CFAP95: variants seen among roughly 807,000 people sequenced by gnomAD.
The protein encoded by CFAP95 is cilia and flagella associated protein 95.
the CFAP95 span, among the ~76,000 whole-genome samples, chr9:69,829,669 C>T: frequency 6.6e-6 from 1 of 152,148 alleles, no homozygotes; most frequent in African/African-American, 2.4e-5. Flanking sequence ...TTTCACCAAG[C>T]TTGTTTTCTT....
At chr9:69,869,448 G>T in the CFAP95 span, among the ~76,000 whole-genome samples, 1 of 152,170 alleles carries the variant, frequency 6.6e-6, no homozygotes, top group Admixed American at 6.5e-5. Flanking sequence ...CAGGACCTGA[G>T]GGGTGGGAGA....
chr9:69,837,655 T>C, the CFAP95 span, among the ~76,000 whole-genome samples: 1 of 152,236 alleles, frequency 6.6e-6, no homozygotes, highest in African/African-American at 2.4e-5. Context: ...GAGTAGGTTG[T>C]GAAAATTGTT....
At chr9:69,836,427 A>C in the CFAP95 span, among the ~76,000 whole-genome samples, 1 of 152,124 alleles carries the variant, frequency 6.6e-6, no homozygotes, top group African/African-American at 2.4e-5. Flanking sequence ...CCTCCTTAGA[A>C]GTATACGCAA....
At chr9:69,820,889 C>T in the CFAP95 span, 8 of 1,613,898 alleles carry the variant, frequency 5.0e-6, no homozygotes, top group Admixed American at 3.3e-5. Context: ...CATGGATAGC[C>T]TTGACAGATC....
the CFAP95 span, among the ~76,000 whole-genome samples, chr9:69,868,004 T>C: frequency 6.6e-6 from 1 of 152,194 alleles, no homozygotes; most frequent in African/African-American, 2.4e-5. Flanking sequence ...GCCATAACAA[T>C]AGGTAATTGA....
chr9:69,886,455 C>T, the CFAP95 span, among the ~76,000 whole-genome samples: 5 of 152,124 alleles, frequency 3.3e-5, no homozygotes, highest in South Asian at 1.0e-3. Flanking sequence ...TCTCAAACTG[C>T]AATAGTGAAG....
At chr9:69,849,741 T>C in the CFAP95 span, among the ~76,000 whole-genome samples, 1 of 152,132 alleles carries the variant, frequency 6.6e-6, no homozygotes, top group East Asian at 1.9e-4. Flanking sequence ...GGTGGGATAA[T>C]TGATTTCCTA....
chr9:69,825,449 G>T, the CFAP95 span, among the ~76,000 whole-genome samples: 1 of 152,074 alleles, frequency 6.6e-6, no homozygotes, highest in Non-Finnish European at 1.5e-5. Context: ...CCTTTTTAGG[G>T]GATACCTTTG....
the CFAP95 span, among the ~76,000 whole-genome samples, chr9:69,854,465 G>A: frequency 6.6e-6 from 1 of 152,240 alleles, no homozygotes; most frequent in African/African-American, 2.4e-5. Flanking sequence ...ATGAATGAAT[G>A]AGGCAGACTG....
chr9:69,886,728 G>T, the CFAP95 span: 2 of 756,296 alleles, frequency 2.6e-6, no homozygotes, highest in Non-Finnish European at 2.2e-6. Context: ...TTTGATTAGG[G>T]CCAATCCTTC....
chr9:69,839,877 A>T, the CFAP95 span, among the ~76,000 whole-genome samples: 2 of 149,712 alleles, frequency 1.3e-5, no homozygotes, highest in Non-Finnish European at 3.0e-5. Flanking sequence ...GGAGTTCGAG[A>T]CCAGCCTGGC....
chr9:69,824,735 C>T, the CFAP95 span, among the ~76,000 whole-genome samples: 1 of 152,100 alleles, frequency 6.6e-6, no homozygotes, highest in African/African-American at 2.4e-5. Flanking sequence ...GTTAATGAAT[C>T]AACAATACAC....
chr9:69,833,639 A>C, the CFAP95 span, among the ~76,000 whole-genome samples: 3 of 151,794 alleles, frequency 2.0e-5, no homozygotes, highest in Non-Finnish European at 4.4e-5. Flanking sequence ...TCTTCTCAGC[A>C]CTCCTTCTAC....
chr9:69,831,827 C>T, the CFAP95 span, among the ~76,000 whole-genome samples: 3 of 151,994 alleles, frequency 2.0e-5, no homozygotes, highest in Admixed American at 1.3e-4. Context: ...TTTTTTGTTG[C>T]GTAATGACTG....
chr9:69,895,287 A>G, the CFAP95 span, among the ~76,000 whole-genome samples: 1 of 150,928 alleles, frequency 6.6e-6, no homozygotes, highest in Non-Finnish European at 1.5e-5. Flanking sequence ...ATCCTTCCTG[A>G]GTTACTTGCT....
the CFAP95 span, among the ~76,000 whole-genome samples, chr9:69,843,537 CTCCTCCTCCTCCTCCTCCTCCT>C: frequency 6.8e-5 from 2 of 29,270 alleles, no homozygotes; most frequent in African/African-American, 2.6e-4. Flanking sequence ...CCTCCTCCTC[CTCCTCCTCCTCCTCCTCCTCCT>C]TCTTCTTCTT....
At chr9:69,869,227 A>G in the CFAP95 span, among the ~76,000 whole-genome samples, 2 of 152,258 alleles carry the variant, frequency 1.3e-5, no homozygotes, top group Non-Finnish European at 2.9e-5. Context: ...CACAATCGCC[A>G]AGATACAGAC....
the CFAP95 span, among the ~76,000 whole-genome samples, chr9:69,861,753 A>C: frequency 4.6e-4 from 67 of 145,540 alleles, no homozygotes; most frequent in Admixed American, 6.8e-4. Flanking sequence ...AAAAAAAAAA[A>C]CACAACATTT....
chr9:69,881,503 A>G, the CFAP95 span, among the ~76,000 whole-genome samples: 1 of 152,084 alleles, frequency 6.6e-6, no homozygotes, highest in Admixed American at 6.6e-5. Flanking sequence ...TGGGTTCTGT[A>G]TTCTGTTCCA....
Sources: allele counts gnomAD v4.1 joint callset (sites outside exome capture counted in the v4.1 genomes callset), GRCh38; gene constraint gnomAD v4.1.1; transcripts MANE v1.5; gene names NCBI Gene and HGNC (gene_info 2026-07-23, HGNC 2026-07-21).